The following AKAP11 variants were observed in gnomAD, a reference collection of about 807,000 sequenced individuals.
The protein encoded by AKAP11 is A-kinase anchoring protein 11.
In AKAP11, 36 loss-of-function variants were observed where a neutral mutation model predicts 146.1. The ratio of observed to expected loss-of-function variants is 0.25; its 90% CI spans 0.19 to 0.33. AKAP11 has a LOEUF of 0.33. Among genes scored for constraint, AKAP11 ranks in the 10% least tolerant of loss-of-function variants. AKAP11 has a pLI of 1.00. For synonymous variants in AKAP11, 780 were observed against 786.5 expected, an observed-to-expected ratio of 0.99 and a Z score of 0.14; for missense variants, 2,201 against 2,197.0, an observed-to-expected ratio of 1.00 and a Z score of -0.04.
At chr13:42,316,361 G>A (rs1250797853) in intron 11 of AKAP11, among the ~76,000 whole-genome samples, 1 of 152,172 alleles carries the variant, frequency 6.6e-6, no homozygotes, top group Non-Finnish European at 1.5e-5. Flanking sequence ...GTGTTAAGGG[G>A]TGGAGGGGTC....
chr13:42,319,079 C>T lies in AKAP11; in HGVS notation c.5566-9C>T. 2 of 1,611,632 alleles carry T rather than the reference C, an allele frequency of 1.2e-6. No individual in the cohort carries two copies. Among genetic ancestry groups the T allele is most frequent in the Non-Finnish European group, 1.7e-6 (2 of 1,179,102 alleles). On this transcript the variant is annotated splice_polypyrimidine_tract_variant and intron_variant, in intron 12 of 12. Coordinates refer to ENST00000025301, the MANE Select transcript of AKAP11 (RefSeq NM_016248.4). ...TTTGGTTAATGTTTGACACATCTTT[C>T]TTTCTTAGCTTTCAAAACAATTACA...
At chr13:42,312,939 G>A in intron 9 of AKAP11, 108 bp from the exon 10 acceptor site, 1 of 849,980 alleles carries the variant, frequency 1.2e-6, no homozygotes, top group South Asian at 1.6e-5. Flanking sequence ...CACTGTGGCA[G>A]CTTCAGAACA....
intron 9 of AKAP11, among the ~76,000 whole-genome samples, chr13:42,312,781 A>G (rs757409601): frequency 2.6e-5 from 4 of 152,206 alleles, no homozygotes; most frequent in Non-Finnish European, 5.9e-5. Context: ...TTGCTGTCCT[A>G]AAAGTCATTC....
intron 4 of AKAP11, 134 bp from the exon 5 acceptor site, chr13:42,295,561 A>G (rs1959459370): frequency 3.7e-6 from 3 of 808,818 alleles, no homozygotes; most frequent in Non-Finnish European, 4.0e-6. Context: ...TTTTTGGGTC[A>G]TCTTTGAAAA....
chr13:42,286,276 G>T, intron 2 of AKAP11, 24 bp from the exon 3 acceptor site: 2 of 959,080 alleles, frequency 2.1e-6, no homozygotes, highest in Non-Finnish European at 3.1e-6. Flanking sequence ...CAATAAATAA[G>T]TTGTTTTAAT....
At chr13:42,303,895 A>G (rs769443282) in intron 8 of AKAP11, 32 bp downstream of exon 8, 2 of 1,528,960 alleles carry the variant, frequency 1.3e-6, no homozygotes, top group South Asian at 1.3e-5. Flanking sequence ...GTTGTTAATG[A>G]TAAATTAAAA....
rs748446985 is a variant in AKAP11 at position 42,319,194 on chromosome 13, A to C, written c.5672A>C (p.Lys1891Thr). ...MEKASSEERC[K>T]SLFDWLLENA is the part of the protein sequence containing the mutation. ...AAAGCTTCCAGTGAGGAGAGATGCA[A>C]GTCGCTGTTTGATTGGCTCTTGGAA... Residue 1891 changes from lysine to threonine, a missense_variant, in exon 13 of 13, where the codon AAG becomes ACG. This residue lies in a region of AKAP11 where 1,867 missense variants were observed against 1,833.5 expected (regional missense o/e 1.02). Coordinates refer to ENST00000025301, the MANE Select transcript of AKAP11 (RefSeq NM_016248.4). 1.9e-5 allele frequency: 31 copies of C among 1,613,920 alleles called. No individual in the cohort carries two copies. Among genetic ancestry groups the C allele is most frequent in the Non-Finnish European group, 2.4e-5 (28 of 1,179,962 alleles).
In AKAP11 at chr13:42,321,717, CT is replaced by C. The variant is rs1462661749; in HGVS notation, c.*2493del. On this transcript the variant is annotated 3_prime_UTR_variant, in exon 13 of 13. Coordinates refer to ENST00000025301, the MANE Select transcript of AKAP11 (RefSeq NM_016248.4). ...TTGGTTGCTCTATAGTCAAACAGCTCTTTTGAAGACAACTGTCTTATTTTAT... is the reference window on the plus strand; with the variant it reads ...TTGGTTGCTCTATAGTCAAACAGCTCTTTGAAGACAACTGTCTTATTTTAT... 1.3e-5 allele frequency: 2 copies of C among 152,254 alleles called. No individual in the cohort carries two copies. The highest frequency in any genetic ancestry group is 2.9e-5 in the Non-Finnish European group (2 of 67,982). The allele number at this position is 152,254 out of a possible 1,614,324, so 9.4% of individuals were successfully genotyped here.
At chr13:42,280,400 G>A (rs1202360319) in intron 1 of AKAP11, among the ~76,000 whole-genome samples, 18 of 152,128 alleles carry the variant, frequency 1.2e-4, no homozygotes. Context: ...ATACTATAAA[G>A]TAGAAATTAT....
intron 1 of AKAP11, among the ~76,000 whole-genome samples, chr13:42,272,598 G>C (rs1400552084): frequency 6.7e-6 from 1 of 149,742 alleles, no homozygotes; most frequent in African/African-American, 2.4e-5. Context: ...CGTGGTGCGC[G>C]TGCTTAGTGT....
At position 42,302,642 on chromosome 13, in the gene AKAP11, A is replaced by C. The variant is rs968217672; in HGVS notation, c.3896A>C (p.Lys1299Thr). 6.2e-7 allele frequency: 1 copy of C among 1,614,178 alleles called. No homozygotes were observed. The change falls in exon 8 of 13, where the codon AAA (lysine) becomes ACA (threonine). Residue 1299 changes from lysine (K) to threonine (T), a missense_variant. Coordinates refer to ENST00000025301, the MANE Select transcript of AKAP11 (RefSeq NM_016248.4). ...SCYADGDEDY[K>T]VEEKLDIEAV... ...TATGCTGATGGTGACGAAGATTATAAAGTAGAAGAGAAGTTGGATATAGAG... is the reference window on the plus strand; with the variant it reads ...TATGCTGATGGTGACGAAGATTATACAGTAGAAGAGAAGTTGGATATAGAG...
upstream of AKAP11, among the ~76,000 whole-genome samples, chr13:42,271,772 G>A (rs1273161934): frequency 6.6e-6 from 1 of 152,042 alleles, no homozygotes; most frequent in Non-Finnish European, 1.5e-5. Context: ...CAGGTTCGTA[G>A]GTCGCCCTCG....
intron 3 of AKAP11, among the ~76,000 whole-genome samples, chr13:42,291,244 T>C (rs1959208382): frequency 6.6e-6 from 1 of 152,122 alleles, no homozygotes; most frequent in African/African-American, 2.4e-5. Context: ...AGAATCTGAT[T>C]ATAGTAATTA....
rs144760282 is a variant in AKAP11 at position 42,309,978 on chromosome 13, G to C, written c.5273+1369G>C. On this transcript the variant is annotated intron_variant, in intron 9 of 12. Coordinates refer to ENST00000025301, the MANE Select transcript of AKAP11 (RefSeq NM_016248.4). The stretch of plus-strand genomic sequence containing the variant: ...AGTCGTCTTACCGGTTTCTGTCCTT[G>C]GTTCTGTCCTCCTTAGCATTATTTA... Among the ~76,000 whole-genome samples the C allele has an allele frequency of 2.0e-5, 3 of 152,208 alleles. No individual in the cohort carries two copies. The East Asian group carries it at 5.8e-4, about 29-fold the overall frequency.
Position 42,295,688 on chromosome 13 carries a change from T to C in AKAP11, c.169-7T>C, listed in dbSNP as rs1959470531. On this transcript the variant is annotated splice_polypyrimidine_tract_variant and splice_region_variant and intron_variant, in intron 4 of 12. Transcript: ENST00000025301. ...AATTAATGGAGGTTTATTTGTTCTTTACTCAGGTCACATTTCTGGGTTTTA... is the reference window on the plus strand; with the variant it reads ...AATTAATGGAGGTTTATTTGTTCTTCACTCAGGTCACATTTCTGGGTTTTA... 6.2e-7 allele frequency: 1 copy of C among 1,612,424 alleles called. No homozygotes were observed. The highest frequency in any genetic ancestry group is 8.5e-7 in the Non-Finnish European group (1 of 1,178,922).
At chr13:42,281,495 A>C (rs1359581983) in intron 1 of AKAP11, among the ~76,000 whole-genome samples, 3 of 152,222 alleles carry the variant, frequency 2.0e-5, no homozygotes, top group African/African-American at 4.8e-5. Context: ...CCTGATACAA[A>C]AAAGGTCAAG....
In AKAP11 at chr13:42,313,035, T is replaced by C. The variant is rs538480371; in HGVS notation, c.5274-12T>C. On this transcript the variant is annotated splice_polypyrimidine_tract_variant and intron_variant, in intron 9 of 12. Transcript: ENST00000025301. Reference sequence around the variant, plus strand: ...TTTCTAGTTCAGCTCTGTTCTTTTCTTCCTCTGGCAGTAATGGTAACAGCA... The same window carrying C: ...TTTCTAGTTCAGCTCTGTTCTTTTCCTCCTCTGGCAGTAATGGTAACAGCA... 3 of 1,609,642 alleles carry C rather than the reference T, an allele frequency of 1.9e-6. No individual in the cohort carries two copies. The highest frequency in any genetic ancestry group is 4.5e-5 in the East Asian group (2 of 44,800).
intron 11 of AKAP11, among the ~76,000 whole-genome samples, chr13:42,316,115 G>C (rs1960810123): frequency 6.6e-6 from 1 of 152,150 alleles, no homozygotes; most frequent in Non-Finnish European, 1.5e-5. Flanking sequence ...TTGATTGAGA[G>C]TGTTGGAGAG....
At chr13:42,287,743 A>G (rs1594311451) in intron 3 of AKAP11, among the ~76,000 whole-genome samples, 1 of 152,236 alleles carries the variant, frequency 6.6e-6, no homozygotes, top group African/African-American at 2.4e-5. Context: ...CAGATTAGCA[A>G]CTAGACCCAT....
Sources: allele counts gnomAD v4.1 joint callset (sites outside exome capture counted in the v4.1 genomes callset), GRCh38; gene constraint gnomAD v4.1.1; regional missense constraint gnomAD v4.1.1; transcripts MANE v1.5; gene names NCBI Gene and HGNC (gene_info 2026-07-23, HGNC 2026-07-21).